Variants in ATG7 observed in about 807,000 individuals in gnomAD.
ATG7 encodes the protein ubiquitin-like modifier-activating enzyme ATG7.
ATG7 carries 70 observed loss-of-function variants against 82.4 expected under a neutral mutation model. The observed-to-expected ratio is 0.85, with a 90% CI of 0.70 to 1.04. The LOEUF is 1.04. ATG7 is among the 50% of genes least tolerant of loss of function. ATG7 has a pLI of 0.00. For missense variants in ATG7, 792 were observed against 864.3 expected (o/e 0.92, Z 1.05); for synonymous variants, 287 against 313.0 (o/e 0.92, Z 0.88).
At chr3:11,494,645 G>T (rs1022505672) in intron 20 of ATG7, among the ~76,000 whole-genome samples, 1 of 152,196 alleles carries the variant, frequency 6.6e-6, no homozygotes, top group Non-Finnish European at 1.5e-5. Context: ...CTGTTGAGCA[G>T]AGCAGAATAG....
intron 20 of ATG7, among the ~76,000 whole-genome samples, chr3:11,516,653 A>G (rs1320248880): frequency 2.0e-5 from 3 of 152,250 alleles, no homozygotes; most frequent in African/African-American, 7.2e-5. Context: ...AATTGCCAAA[A>G]CTTAGAAGCA....
At chr3:11,317,679 G>C (rs1575410720) in intron 9 of ATG7, among the ~76,000 whole-genome samples, 1 of 141,864 alleles carries the variant, frequency 7.0e-6, no homozygotes, top group East Asian at 2.2e-4. Context: ...TGCAACCTCC[G>C]CCTCCTGGCT....
chr3:11,549,917 C>A (rs2071620086), intron 20 of ATG7, among the ~76,000 whole-genome samples: 3 of 152,172 alleles, frequency 2.0e-5, no homozygotes, highest in Non-Finnish European at 4.4e-5. Flanking sequence ...AGCTTCAGCT[C>A]TCCGAGGAGG....
intron 20 of ATG7, among the ~76,000 whole-genome samples, chr3:11,554,235 T>C (rs2072145785): frequency 7.0e-6 from 1 of 143,662 alleles, no homozygotes; most frequent in Non-Finnish European, 1.5e-5. Flanking sequence ...GATCTGGCTG[T>C]CTCCACTGTC....
At chr3:11,499,747 CAAAA>C (rs1166664089) in intron 20 of ATG7, among the ~76,000 whole-genome samples, 2 of 96,440 alleles carry the variant, frequency 2.1e-5, no homozygotes, top group Non-Finnish European at 4.5e-5. Flanking sequence ...AACTCCATCT[CAAAA>C]AAAAAAAAAA....
intron 11 of ATG7, among the ~76,000 whole-genome samples, chr3:11,336,938 G>C (rs1305875974): frequency 6.6e-6 from 1 of 152,098 alleles, no homozygotes; most frequent in Non-Finnish European, 1.5e-5. Context: ...CACCCAAAGT[G>C]CTGGGACTAC....
intron 19 of ATG7, among the ~76,000 whole-genome samples, chr3:11,418,144 G>T (rs1316383185): frequency 6.7e-6 from 1 of 150,220 alleles, no homozygotes; most frequent in Non-Finnish European, 1.5e-5. Context: ...TCACTCTGTT[G>T]TCCAGGCTGG....
chr3:11,504,076 C>T (rs2091539794), intron 20 of ATG7, among the ~76,000 whole-genome samples: 1 of 152,258 alleles, frequency 6.6e-6, no homozygotes, highest in Admixed American at 6.5e-5. Flanking sequence ...CTGCCCAGAA[C>T]AGTAGATGAG....
At chr3:11,404,341 GGCC>G (rs2152901488) in intron 19 of ATG7, among the ~76,000 whole-genome samples, 1 of 151,718 alleles carries the variant, frequency 6.6e-6, no homozygotes, top group Non-Finnish European at 1.5e-5. Context: ...TCACCATATT[GGCC>G]AGGCTGGTCA....
At chr3:11,562,257 C>T (rs2073091655), downstream of ATG7, among the ~76,000 whole-genome samples, 1 of 152,122 alleles carries the variant, frequency 6.6e-6, no homozygotes, top group Admixed American at 6.5e-5. Context: ...CCAAGGCCAC[C>T]CTCTTGGTGT....
intron 20 of ATG7, among the ~76,000 whole-genome samples, 158 bp downstream of exon 20, chr3:11,427,084 C>T (rs1392153756): frequency 2.0e-5 from 3 of 152,220 alleles, no homozygotes; most frequent in African/African-American, 7.2e-5. Context: ...ACGAATAACC[C>T]TCAGCAAGTG....
rs1361908578 is a variant in ATG7 at position 11,453,892 on chromosome 3, A to T, written c.2079+26966A>T. Among the ~76,000 whole-genome samples, 3 of 152,288 alleles carry T rather than the reference A, an allele frequency of 2.0e-5. No homozygotes were observed. In the South Asian group the frequency reaches 6.2e-4, roughly 32 times the overall value. On this transcript the variant is annotated intron_variant, in intron 20 of 20. Transcript: ENST00000693202. ...TGTGCCCTGGTCAGCTGACTGCTCC[A>T]TCTTAAAGGTTTCTGGATACCGTAG... is the stretch of plus-strand genomic sequence containing the variant.
the ATG7 span, among the ~76,000 whole-genome samples, chr3:11,562,882 G>A: frequency 3.3e-5 from 5 of 152,180 alleles, no homozygotes; most frequent in African/African-American, 4.8e-5. Context: ...GGGGGTCGAG[G>A]TTCTTCCTCC....
At chr3:11,425,567 T>C (rs2082296063) in intron 19 of ATG7, among the ~76,000 whole-genome samples, 1 of 152,236 alleles carries the variant, frequency 6.6e-6, no homozygotes. Context: ...ACAGTCCCTG[T>C]GATCACTGAA....
chr3:11,516,882 A>G (rs1006068724), intron 20 of ATG7, among the ~76,000 whole-genome samples: 3 of 152,204 alleles, frequency 2.0e-5, no homozygotes, highest in East Asian at 1.9e-4. Context: ...CAGGAATTCA[A>G]CAACACCCTG....
intron 19 of ATG7, among the ~76,000 whole-genome samples, chr3:11,411,245 A>T (rs1450097158): frequency 6.6e-6 from 1 of 152,162 alleles, no homozygotes; most frequent in East Asian, 1.9e-4. Context: ...ATATCTTTAG[A>T]GAAATGTCTG....
chr3:11,287,493 G>A (rs1450851362), intron 3 of ATG7, among the ~76,000 whole-genome samples: 1 of 152,204 alleles, frequency 6.6e-6, no homozygotes, highest in African/African-American at 2.4e-5. Flanking sequence ...TGACAGGGCC[G>A]TGGGGTAGAA....
chr3:11,493,848 T>C lies in ATG7; in HGVS notation c.2080-60963T>C, dbSNP rs1397116923. The stretch of plus-strand genomic sequence containing the variant: ...CGGTACCAAGTTAAACTTCTAGAAG[T>C]TGAATGGAGAGAACCCATGCCTAGA... On this transcript the variant is annotated intron_variant, in intron 20 of 20. Transcript: ENST00000693202. Among the ~76,000 whole-genome samples the C allele has an allele frequency of 2.0e-5, 3 of 152,150 alleles. No individual in the cohort carries two copies. In the East Asian group the frequency reaches 5.8e-4, roughly 29 times the overall value.
chr3:11,369,956 T>C lies in ATG7; in HGVS notation c.1875+5222T>C, dbSNP rs150874382. 1.5e-3 allele frequency among the ~76,000 whole-genome samples: 225 copies of C among 151,210 alleles called. 8 individuals are homozygous for C. Among genetic ancestry groups the C allele is most frequent in the Middle Eastern group, 3.4e-3 (1 of 290 alleles). On this transcript the variant is annotated intron_variant, in intron 18 of 20. Coordinates refer to ENST00000693202, the MANE Select transcript of ATG7 (RefSeq NM_001349232.2). ...TCAGTATCTCATTTTACAAAACCAG[T>C]TGGGGCAGCTCTTAGCACTTGTCCC...
Sources: allele counts gnomAD v4.1 joint callset (sites outside exome capture counted in the v4.1 genomes callset), GRCh38; gene constraint gnomAD v4.1.1; transcripts MANE v1.5; gene names NCBI Gene and HGNC (gene_info 2026-07-23, HGNC 2026-07-21).